Variants in KAT7 observed in about 807,000 individuals in gnomAD.
The protein encoded by KAT7 is lysine acetyltransferase 7, also known as histone acetyltransferase KAT7.
A neutral mutation model predicts 82.1 loss-of-function variants in KAT7; 10 were observed. The ratio of observed to expected loss-of-function variants is 0.12; its 90% confidence interval spans 0.08 to 0.21. The LOEUF (loss-of-function observed/expected upper bound fraction) is 0.21, where lower values mean the gene tolerates loss of function less well. KAT7 is among the 10% of genes least tolerant of loss of function. KAT7 has a pLI of 1.00. For missense variants in KAT7, 378 were observed against 760.9 expected (o/e 0.50, Z 5.92); for synonymous variants, 250 against 262.5 (o/e 0.95, Z 0.46).
chr17:49,821,617 G>A (rs758263689), intron 10 of KAT7, 33 bp from the exon 11 acceptor site: 4 of 1,611,598 alleles, frequency 2.5e-6, no homozygotes, highest in Non-Finnish European at 3.4e-6. Flanking sequence ...GGAATCAGTG[G>A]CCCACACATG....
At position 49,834,540 on chromosome 17, in the gene KAT7, T is replaced by C. The variant is rs941352370; in HGVS notation, c.*7038T>C. The C allele has an allele frequency of 6.6e-6, 1 of 152,284 alleles. No homozygotes were observed. The highest frequency in any genetic ancestry group is 2.4e-5 in the African/African-American group (1 of 41,468). 9.4% of individuals were successfully genotyped at this position (152,284 alleles called of 1,614,324 possible). On this transcript the variant is annotated 3_prime_UTR_variant, in exon 15 of 15. Coordinates refer to ENST00000259021, the MANE Select transcript of KAT7 (RefSeq NM_007067.5). The stretch of plus-strand genomic sequence containing the variant: ...GGATTAAGTTCATGTTTATCCTGGC[T>C]TTCAAGTCTTTCCGTAAGCTGACTC...
Position 49,788,767 on chromosome 17 carries a change from C to T in KAT7, c.-68C>T, listed in dbSNP as rs2073840873. ...GATACAGAGGCCGCCACGGAGCCCG[C>T]CGGAGCCACCGTTCCTGCTGCTGCC... On this transcript the variant is annotated 5_prime_UTR_variant, in exon 1 of 15. Coordinates refer to ENST00000259021, the MANE Select transcript of KAT7 (RefSeq NM_007067.5). The T allele has an allele frequency of 3.3e-6, 5 of 1,535,244 alleles. No individual in the cohort carries two copies. In the Admixed American group the frequency reaches 8.0e-5, roughly 25 times the overall value.
chr17:49,816,660 G>A (rs1281451858), intron 8 of KAT7, among the ~76,000 whole-genome samples: 1 of 152,108 alleles, frequency 6.6e-6, no homozygotes, highest in Non-Finnish European at 1.5e-5. Flanking sequence ...GGCTACCCTT[G>A]GCTGGGATGG....
rs914017789 is a variant in KAT7 at position 49,830,080 on chromosome 17, G to T, written c.*2578G>T. On this transcript the variant is annotated 3_prime_UTR_variant, in exon 15 of 15. Coordinates refer to ENST00000259021, the MANE Select transcript of KAT7 (RefSeq NM_007067.5). ...TTTAGTAGAGACAGGGTTTCGTCATGTTGGTCAGGCTGATCTCGAACTCCT... is the reference window on the plus strand; with the variant it reads ...TTTAGTAGAGACAGGGTTTCGTCATTTTGGTCAGGCTGATCTCGAACTCCT... The T allele has an allele frequency of 4.0e-5, 6 of 150,136 alleles. No individual in the cohort carries two copies. The highest frequency in any genetic ancestry group is 1.2e-4 in the African/African-American group (5 of 40,686). The allele number at this position is 150,136 out of a possible 1,614,324, so 9.3% of individuals were successfully genotyped here. A position where few individuals can be genotyped will look rare whatever the true frequency, so the allele number is the denominator to read the frequency against.
At chr17:49,808,218 T>C (rs2074116359) in intron 5 of KAT7, among the ~76,000 whole-genome samples, 1 of 149,926 alleles carries the variant, frequency 6.7e-6, no homozygotes, top group Non-Finnish European at 1.5e-5. Flanking sequence ...GCCTCCTAGA[T>C]TCAAGCAATT....
At chr17:49,792,375 A>C (rs1035150389) in intron 2 of KAT7, among the ~76,000 whole-genome samples, 1 of 151,870 alleles carries the variant, frequency 6.6e-6, no homozygotes, top group Non-Finnish European at 1.5e-5. Flanking sequence ...TTTCTGTTTG[A>C]ATGTTTGAGG....
chr17:49,800,667 T>TA (rs1246293809), intron 4 of KAT7, among the ~76,000 whole-genome samples: 1 of 152,152 alleles, frequency 6.6e-6, no homozygotes, highest in Non-Finnish European at 1.5e-5. Flanking sequence ...ATGTGCCAGA[T>TA]ACTGTTTTAA....
At chr17:49,793,660 G>A (rs752399382) in intron 2 of KAT7, among the ~76,000 whole-genome samples, 1 of 147,256 alleles carries the variant, frequency 6.8e-6, no homozygotes, top group African/African-American at 2.5e-5. Flanking sequence ...TGCAACTTCC[G>A]CCTCCTGGGT....
At chr17:49,792,183 A>G in intron 2 of KAT7, 150 bp downstream of exon 2, 4 of 753,758 alleles carry the variant, frequency 5.3e-6, no homozygotes, top group Non-Finnish European at 8.5e-6. Flanking sequence ...GTGAATGCAG[A>G]GTTGTCAGGT....
intron 12 of KAT7, 86 bp downstream of exon 12, chr17:49,823,381 TC>T: frequency 1.3e-6 from 1 of 766,514 alleles, no homozygotes; most frequent in Non-Finnish European, 2.3e-6. Context: ...TCTCTGCAAT[TC>T]CTGGAATATA....
At chr17:49,825,820 C>T (rs1430861720) in intron 12 of KAT7, among the ~76,000 whole-genome samples, 180 bp from the exon 13 acceptor site, 1 of 152,198 alleles carries the variant, frequency 6.6e-6, no homozygotes, top group Non-Finnish European at 1.5e-5. Context: ...ACACATTCTT[C>T]CCCTTTTGTT....
chr17:49,800,045 T>A (rs2074004080), intron 4 of KAT7, among the ~76,000 whole-genome samples: 1 of 131,926 alleles, frequency 7.6e-6, no homozygotes, highest in South Asian at 2.7e-4. Flanking sequence ...TGAGTCTCGC[T>A]CTGTCCCCCA....
At chr17:49,809,591 C>T (rs928968088) in intron 6 of KAT7, among the ~76,000 whole-genome samples, 1 of 152,208 alleles carries the variant, frequency 6.6e-6, no homozygotes, top group African/African-American at 2.4e-5. Flanking sequence ...GCATTTGACA[C>T]TTGCTGACTG....
chr17:49,791,819 T>C (rs969398714), intron 1 of KAT7, 67 bp from the exon 2 acceptor site: 41 of 1,511,352 alleles, frequency 2.7e-5, no homozygotes, highest in South Asian at 3.4e-5. Context: ...TTGTTTTATT[T>C]TCAATGTTAA....
chr17:49,806,578 C>A (rs1191604539), intron 5 of KAT7, among the ~76,000 whole-genome samples: 1 of 152,168 alleles, frequency 6.6e-6, no homozygotes. Context: ...ACTTCTTTCT[C>A]AGAAAATAAC....
At chr17:49,821,217 G>T in intron 9 of KAT7, 120 bp from the exon 10 acceptor site, 1 of 665,050 alleles carries the variant, frequency 1.5e-6, no homozygotes, top group Non-Finnish European at 2.6e-6. Flanking sequence ...TATGTTCTCA[G>T]CTTGTCCAAC....
Position 49,811,587 on chromosome 17 carries a change from T to C in KAT7, c.852+13T>C. 1 of 1,305,420 alleles carries C rather than the reference T, an allele frequency of 7.7e-7. No individual in the cohort carries two copies. The highest frequency in any genetic ancestry group is 1.1e-6 in the Non-Finnish European group (1 of 952,130). The allele number at this position is 1,305,420 out of a possible 1,614,324, so 80.9% of individuals were successfully genotyped here. On this transcript the variant is annotated intron_variant, in intron 7 of 14. Coordinates refer to ENST00000259021, the MANE Select transcript of KAT7 (RefSeq NM_007067.5). ...AGAGAAATATATGGTGAGGGAAAGT[T>C]AAATATTTAATGAGCATGAACTCCT...
At chr17:49,819,935 G>A (rs1248728093) in intron 9 of KAT7, among the ~76,000 whole-genome samples, 1 of 152,194 alleles carries the variant, frequency 6.6e-6, no homozygotes, top group African/African-American at 2.4e-5. Flanking sequence ...TTGACAAAAA[G>A]AGTTGCAGTA....
At chr17:49,790,892 C>T (rs1181757676) in intron 1 of KAT7, among the ~76,000 whole-genome samples, 1 of 152,094 alleles carries the variant, frequency 6.6e-6, no homozygotes, top group Non-Finnish European at 1.5e-5. Flanking sequence ...ATATTTTTTC[C>T]TTTCTGGTTT....
Sources: gnomAD v4.1 joint callset for allele counts (sites outside exome capture counted in the v4.1 genomes callset) on GRCh38, gnomAD v4.1.1 for gene constraint, MANE v1.5 for transcripts, NCBI Gene and HGNC (gene_info 2026-07-23, HGNC 2026-07-21) for gene names.